NRG3: variants seen among roughly 807,000 people sequenced by gnomAD.
The protein encoded by NRG3 is pro-neuregulin-3, membrane-bound isoform.
In NRG3, 31 loss-of-function variants were observed where a neutral mutation model predicts 66.9. The observed-to-expected ratio is 0.46, with a 90% CI of 0.35 to 0.63. The LOEUF is 0.63. Among genes scored for constraint, NRG3 ranks in the 20% least tolerant of loss-of-function variants. The probability of loss-of-function intolerance (pLI) is 0.00; values close to 1 mark genes in which losing one functional copy is unlikely to be tolerated. For missense variants in NRG3, 910 were observed against 878.9 expected (o/e 1.04, Z -0.45); for synonymous variants, 393 against 359.4 (o/e 1.09, Z -1.06).
intron 1 of NRG3, among the ~76,000 whole-genome samples, chr10:82,197,832 GT>G (rs1054126722): frequency 9.1e-4 from 138 of 151,984 alleles, no homozygotes; most frequent in Middle Eastern, 3.4e-3. Context: ...AGAAAAATTT[GT>G]CTCTATTTTC....
chr10:82,813,099 G>T (rs2135517248), intron 3 of NRG3, among the ~76,000 whole-genome samples: 1 of 151,760 alleles, frequency 6.6e-6, no homozygotes, highest in Non-Finnish European at 1.5e-5. Flanking sequence ...ACTCATGGCA[G>T]ACCACAGCAT....
At chr10:82,445,271 G>A (rs2090655194) in intron 2 of NRG3, among the ~76,000 whole-genome samples, 1 of 152,052 alleles carries the variant, frequency 6.6e-6, no homozygotes, top group African/African-American at 2.4e-5. Flanking sequence ...GTCAGCCCAA[G>A]TACCCACAAG....
intron 2 of NRG3, among the ~76,000 whole-genome samples, chr10:82,695,065 AC>A (rs1425703154): frequency 6.6e-5 from 10 of 152,188 alleles, no homozygotes; most frequent in African/African-American, 2.4e-4. Flanking sequence ...TATTTAGAAA[AC>A]AAATTACACA....
At chr10:82,149,017 T>C (rs1222805780) in intron 1 of NRG3, among the ~76,000 whole-genome samples, 1 of 151,966 alleles carries the variant, frequency 6.6e-6, no homozygotes, top group Non-Finnish European at 1.5e-5. Context: ...AACTGAGGAA[T>C]GCAGACCTCA....
rs572985401 is a variant in NRG3, at chr10:82,349,363, C to T, written c.824-9376C>T. Among the ~76,000 whole-genome samples the T allele has an allele frequency of 6.3e-4, 96 of 151,924 alleles. No individual in the cohort carries two copies. The Middle Eastern group carries it at 0.01, about 16-fold the overall frequency. On this transcript the variant is annotated intron_variant, in intron 1 of 8. Transcript: ENST00000372141. The stretch of plus-strand genomic sequence containing the variant: ...TGTGCCCCTGCTGGGGGGTGCCTCC[C>T]AGTTAGGCTGCTCGGGGGTCAGGGG...
chr10:82,877,428 G>A (rs959356842), intron 4 of NRG3, among the ~76,000 whole-genome samples: 4 of 143,812 alleles, frequency 2.8e-5, no homozygotes, highest in African/African-American at 1.0e-4. Context: ...TGCCCAGGCT[G>A]GAGTGCAATG....
chr10:82,104,029 A>T (rs189514148), intron 1 of NRG3, among the ~76,000 whole-genome samples: 1 of 150,326 alleles, frequency 6.7e-6, no homozygotes, highest in African/African-American at 2.5e-5. Flanking sequence ...GTCCACCCTC[A>T]TGTCAAAGTT....
chr10:82,784,295 T>C (rs892673691), intron 3 of NRG3, among the ~76,000 whole-genome samples: 6 of 151,348 alleles, frequency 4.0e-5, no homozygotes, highest in South Asian at 2.1e-4. Flanking sequence ...GACATAGGCA[T>C]GGGCAAGGAC....
At chr10:81,962,857 A>G (rs2059574287) in intron 1 of NRG3, among the ~76,000 whole-genome samples, 2 of 152,112 alleles carry the variant, frequency 1.3e-5, no homozygotes, top group African/African-American at 4.8e-5. Context: ...TTTCCACAGT[A>G]TGGTGGTCAG....
chr10:81,892,365 A>G (rs1350882369), intron 1 of NRG3, among the ~76,000 whole-genome samples: 1 of 152,120 alleles, frequency 6.6e-6, no homozygotes, highest in Non-Finnish European at 1.5e-5. Context: ...AATTGCGGGC[A>G]CACACAAAAT....
At chr10:82,941,229 C>T (rs1407242312) in intron 4 of NRG3, among the ~76,000 whole-genome samples, 1 of 151,990 alleles carries the variant, frequency 6.6e-6, no homozygotes, top group Non-Finnish European at 1.5e-5. Flanking sequence ...CAGGGTGCCA[C>T]CCTCTGTAAC....
chr10:82,141,869 C>G (rs920185082), intron 1 of NRG3, among the ~76,000 whole-genome samples: 8 of 152,140 alleles, frequency 5.3e-5, no homozygotes, highest in African/African-American at 1.9e-4. Flanking sequence ...GCTATACTAA[C>G]GCATTTCACC....
chr10:82,102,141 T>TATATATATGTGTGTATTC (rs1554825302), intron 1 of NRG3, among the ~76,000 whole-genome samples: 3,112 of 39,226 alleles, frequency 0.079, 204 homozygotes, highest in East Asian at 0.18. Context: ...TTCATATATA[T>TATATATATGTGTGTATTC]ATATATATAT....
At chr10:82,254,354 G>A (rs1314151611) in intron 1 of NRG3, among the ~76,000 whole-genome samples, 2 of 152,064 alleles carry the variant, frequency 1.3e-5, no homozygotes, top group African/African-American at 2.4e-5. Flanking sequence ...TTCCTGAGTG[G>A]CACAACAGGG....
intron 1 of NRG3, among the ~76,000 whole-genome samples, chr10:82,072,061 G>T (rs1384520923): frequency 6.6e-6 from 1 of 152,062 alleles, no homozygotes; most frequent in Non-Finnish European, 1.5e-5. Context: ...GTCTACTCCT[G>T]TAGGGTGTGT....
At chr10:82,766,214 G>C (rs1193847524) in intron 3 of NRG3, among the ~76,000 whole-genome samples, 1 of 152,206 alleles carries the variant, frequency 6.6e-6, no homozygotes, top group East Asian at 1.9e-4. Flanking sequence ...TTATTTTTAC[G>C]TGTGAATGTA....
chr10:82,058,559 A>G (rs1209800822), intron 1 of NRG3, among the ~76,000 whole-genome samples: 2 of 150,634 alleles, frequency 1.3e-5, no homozygotes, highest in South Asian at 4.1e-4. Context: ...CTATCTATAT[A>G]ATATATATTT....
chr10:82,249,920 T>A (rs1178040839), intron 1 of NRG3, among the ~76,000 whole-genome samples: 1 of 152,174 alleles, frequency 6.6e-6, no homozygotes, highest in Non-Finnish European at 1.5e-5. Flanking sequence ...CCCAAAAAGA[T>A]TTGCTGCAGA....
chr10:82,974,424 T>C (rs1174137892), intron 7 of NRG3, among the ~76,000 whole-genome samples: 1 of 152,192 alleles, frequency 6.6e-6, no homozygotes, highest in Non-Finnish European at 1.5e-5. Flanking sequence ...TTGGCTGCTT[T>C]GGAGAAAAAG....
Sources: gnomAD v4.1 joint callset for allele counts (sites outside exome capture counted in the v4.1 genomes callset) on GRCh38, gnomAD v4.1.1 for gene constraint, MANE v1.5 for transcripts, NCBI Gene and HGNC (gene_info 2026-07-23, HGNC 2026-07-21) for gene names.